The following RSBN1L variants were observed in gnomAD, a reference collection of about 807,000 sequenced individuals.
RSBN1L encodes lysine-specific demethylase RSBN1L.
RSBN1L carries 30 observed loss-of-function variants against 67.7 expected under a neutral mutation model. The observed-to-expected ratio is 0.44, with a 90% CI of 0.33 to 0.60. The LOEUF (loss-of-function observed/expected upper bound fraction) is 0.60, where lower values mean the gene tolerates loss of function less well. Among genes scored for constraint, RSBN1L ranks in the 20% least tolerant of loss-of-function variants. The pLI is 0.02. For missense variants in RSBN1L, 992 were observed against 1,031.7 expected, an observed-to-expected ratio of 0.96 and a Z score of 0.53; for synonymous variants, 433 against 387.0, an observed-to-expected ratio of 1.12 and a Z score of -1.39.
chr7:77,727,926 A>C (rs1260394789), intron 1 of RSBN1L, among the ~76,000 whole-genome samples: 2 of 152,142 alleles, frequency 1.3e-5, no homozygotes, highest in South Asian at 2.1e-4. Flanking sequence ...TGTAGTTAAA[A>C]ATTGCCTCTC....
chr7:77,765,545 A>G lies in RSBN1L; in HGVS notation c.1395A>G (p.Gln465=). The change falls in exon 4 of 8, where the codon CAA becomes CAG. Residue 465 remains glutamine (Q), a synonymous_variant. Transcript: ENST00000334955. ...CTTACAGAGCTGGCCCAATGAGACA[A>G]ATAAGCTTGGTGGGAGCAGTTGATG... ...HGTYRAGPMR[Q]ISLVGAVDEE... 6.2e-7 allele frequency: 1 copy of G among 1,611,600 alleles called. No individual in the cohort carries two copies. Among genetic ancestry groups the G allele is most frequent in the South Asian group, 1.1e-5 (1 of 90,550 alleles).
intron 4 of RSBN1L, among the ~76,000 whole-genome samples, chr7:77,767,050 CTTCCCCTTCCCT>C (rs1345268756): frequency 2.8e-5 from 4 of 141,794 alleles, no homozygotes; most frequent in South Asian, 2.3e-4. Context: ...TTCCCTTCCC[CTTCCCCTTCCCT>C]TTCCCCTTCC....
intron 1 of RSBN1L, among the ~76,000 whole-genome samples, chr7:77,723,748 G>A (rs1377996468): frequency 1.3e-5 from 2 of 152,080 alleles, no homozygotes; most frequent in Admixed American, 6.6e-5. Context: ...AGCCTGGCCA[G>A]CATGGTGAAA....
At chr7:77,717,269 A>G (rs1458088841) in intron 1 of RSBN1L, among the ~76,000 whole-genome samples, 1 of 152,150 alleles carries the variant, frequency 6.6e-6, no homozygotes, top group Non-Finnish European at 1.5e-5. Context: ...ATATCGTCTT[A>G]GAGATTTTTA....
chr7:77,712,171 TG>T (rs1348215586), intron 1 of RSBN1L, among the ~76,000 whole-genome samples: 2 of 152,192 alleles, frequency 1.3e-5, no homozygotes, highest in Non-Finnish European at 2.9e-5. Flanking sequence ...GAAATACTGT[TG>T]TTTTAATGAT....
chr7:77,778,928 G>C lies in RSBN1L; in HGVS notation c.2301G>C (p.Val767=). The C allele has an allele frequency of 6.2e-7, 1 of 1,613,974 alleles. No homozygotes were observed. Among genetic ancestry groups the C allele is most frequent in the Non-Finnish European group, 8.5e-7 (1 of 1,179,910 alleles). ...CTGTAAGAATCAAGGAAGAACCTGT[G>C]AATGTTAATATTCCTGAAAAGACTA... ...IASVRIKEEP[V]NVNIPEKTTA... is the part of the protein sequence containing the mutation. Residue 767 remains valine, a synonymous_variant, in exon 8 of 8, where the codon GTG becomes GTC. Transcript: ENST00000334955.
At chr7:77,728,904 G>C (rs959282650) in intron 1 of RSBN1L, among the ~76,000 whole-genome samples, 4 of 152,102 alleles carry the variant, frequency 2.6e-5, no homozygotes, top group Non-Finnish European at 5.9e-5. Context: ...TTGAGTTCTG[G>C]GATATTGCTA....
At position 77,731,588 on chromosome 7, in the gene RSBN1L, T is replaced by C. The variant is rs1314577139; in HGVS notation, c.587-4822T>C. ...TATTATTGAGTTTAAAGAGTTACCT[T>C]TTTTTGGATAATAACCCTTTATTGG... On this transcript the variant is annotated intron_variant, in intron 1 of 7. Coordinates refer to ENST00000334955, the MANE Select transcript of RSBN1L (RefSeq NM_198467.3). Among the ~76,000 whole-genome samples, 5 of 152,304 alleles carry C rather than the reference T, an allele frequency of 3.3e-5. No homozygotes were observed. The East Asian group carries it at 9.7e-4, about 29-fold the overall frequency.
At chr7:77,762,622 T>A (rs1791709538) in intron 3 of RSBN1L, among the ~76,000 whole-genome samples, 2 of 152,172 alleles carry the variant, frequency 1.3e-5, no homozygotes, top group Non-Finnish European at 2.9e-5. Context: ...AATAAAGTTC[T>A]TGAGTCATGA....
At chr7:77,758,342 C>T (rs1157450046) in intron 3 of RSBN1L, among the ~76,000 whole-genome samples, 2 of 151,978 alleles carry the variant, frequency 1.3e-5, no homozygotes, top group Admixed American at 6.6e-5. Context: ...TTAAAAAATC[C>T]TTTAAATTTT....
intron 3 of RSBN1L, among the ~76,000 whole-genome samples, chr7:77,750,377 T>C (rs1462351352): frequency 6.7e-6 from 1 of 148,460 alleles, no homozygotes; most frequent in Non-Finnish European, 1.5e-5. Flanking sequence ...TTTCCAGTCC[T>C]TAAATAGTTT....
At chr7:77,719,374 T>C (rs1018109415) in intron 1 of RSBN1L, among the ~76,000 whole-genome samples, 1 of 152,316 alleles carries the variant, frequency 6.6e-6, no homozygotes, top group Non-Finnish European at 1.5e-5. Flanking sequence ...CCCACACATA[T>C]TGTTATCATT....
intron 2 of RSBN1L, among the ~76,000 whole-genome samples, chr7:77,744,326 ATG>A (rs1791451798): frequency 6.7e-6 from 1 of 148,346 alleles, no homozygotes; most frequent in African/African-American, 2.5e-5. Context: ...GTGAGCCACC[ATG>A]CCTGGCCTAC....
Position 77,723,276 on chromosome 7 carries a change from A to G in RSBN1L, c.587-13134A>G, listed in dbSNP as rs1405142385. On this transcript the variant is annotated intron_variant, in intron 1 of 7. Transcript: ENST00000334955. ...CCACTGCGCCCGGCCAACATTTCTTAAGAACTTCCAGTGTGGATTTTTATG... is the reference window on the plus strand; with the variant it reads ...CCACTGCGCCCGGCCAACATTTCTTGAGAACTTCCAGTGTGGATTTTTATG... Among the ~76,000 whole-genome samples the G allele has an allele frequency of 2.0e-5, 3 of 152,030 alleles. No homozygotes were observed. In the East Asian group the frequency reaches 5.8e-4, roughly 29 times the overall value.
Position 77,696,836 on chromosome 7 carries a change from C to T in RSBN1L, c.367C>T (p.Pro123Ser). The T allele has an allele frequency of 6.2e-7, 1 of 1,613,232 alleles. No individual in the cohort carries two copies. Among genetic ancestry groups the T allele is most frequent in the Non-Finnish European group, 8.5e-7 (1 of 1,179,948 alleles). The change falls in exon 1 of 8, where the codon CCG (proline) becomes TCG (serine). Residue 123 changes from proline to serine, a missense_variant. This residue lies in a region of RSBN1L where 575 missense variants were observed against 483.2 expected (regional missense o/e 1.19). Coordinates refer to ENST00000334955, the MANE Select transcript of RSBN1L (RefSeq NM_198467.3). ...CTCAGCCTCCGCTTCCTTGTCTCAG[C>T]CGGTGCCGCGCAAACTGCTGGTCCC... The part of the protein sequence containing the change: ...PSSASASLSQ[P>S]VPRKLLVPPT...
At chr7:77,704,537 C>T (rs1217339196) in intron 1 of RSBN1L, among the ~76,000 whole-genome samples, 4 of 152,096 alleles carry the variant, frequency 2.6e-5, no homozygotes, top group African/African-American at 9.7e-5. Context: ...TATGCTACTT[C>T]AACAGTTTTT....
Position 77,701,605 on chromosome 7 carries a change from G to A in RSBN1L, c.586+4550G>A, listed in dbSNP as rs912083167. Reference sequence around the variant, plus strand: ...TAATTTATATATTTTTTTCTTTGGTGTTTTTCTTCACATCTCACTCTTCCT... The same window carrying A: ...TAATTTATATATTTTTTTCTTTGGTATTTTTCTTCACATCTCACTCTTCCT... On this transcript the variant is annotated intron_variant, in intron 1 of 7. Transcript: ENST00000334955. 2.5e-4 allele frequency among the ~76,000 whole-genome samples: 37 copies of A among 148,120 alleles called. 1 individual carries two copies. Among genetic ancestry groups the A allele is most frequent in the African/African-American group, 8.7e-4 (35 of 40,346 alleles).
In RSBN1L at chr7:77,696,496, C is replaced by G. The variant is rs376400062; in HGVS notation, c.27C>G (p.His9Gln). Residue 9 changes from histidine to glutamine, a missense_variant, in exon 1 of 8, where the codon CAC becomes CAG. By Grantham distance (24) the His-to-Gln change is conservative (BLOSUM62 0). This residue lies in a region of RSBN1L where 575 missense variants were observed against 483.2 expected (regional missense o/e 1.19). Coordinates refer to ENST00000334955, the MANE Select transcript of RSBN1L (RefSeq NM_198467.3). ...TGGCGGAACCGCCGAGCCCCGTGCA[C>G]TGTGTCGCTGCCGCGGCCCCCACCG... The part of the protein sequence containing the change: MAEPPSPV[H>Q]CVAAAAPTAT... 6.8e-6 allele frequency: 11 copies of G among 1,613,154 alleles called. No homozygotes were observed. Among genetic ancestry groups the G allele is most frequent in the African/African-American group, 6.7e-5 (5 of 74,946 alleles).
At chr7:77,776,839 ACCTT>A (rs900986142) in intron 6 of RSBN1L, among the ~76,000 whole-genome samples, 18 of 147,584 alleles carry the variant, frequency 1.2e-4, no homozygotes, top group Non-Finnish European at 2.1e-4. Context: ...GTTGGGTCTT[ACCTT>A]TTTTTTAATC....
Sources: allele counts gnomAD v4.1 joint callset (sites outside exome capture counted in the v4.1 genomes callset), GRCh38; gene constraint gnomAD v4.1.1; regional missense constraint gnomAD v4.1.1; transcripts MANE v1.5; gene names NCBI Gene and HGNC (gene_info 2026-07-23, HGNC 2026-07-21).